HDAC9: variants seen among roughly 807,000 people sequenced by gnomAD.
The protein encoded by HDAC9 is histone deacetylase 9.
Under a neutral mutation model 139.4 loss-of-function variants are expected in HDAC9, and 41 were observed. That is an observed-to-expected ratio of 0.29 (90% CI 0.23 to 0.38). The LOEUF (loss-of-function observed/expected upper bound fraction) is 0.38. HDAC9 is among the 10% of genes least tolerant of loss of function. The probability of loss-of-function intolerance (pLI) is 1.00; values close to 1 mark genes in which losing one functional copy is unlikely to be tolerated. For missense variants in HDAC9, 1,147 were observed against 1,297.0 expected (o/e 0.88, Z 1.78); for synonymous variants, 517 against 476.2 (o/e 1.09, Z -1.12).
In HDAC9 at chr7:18,506,223, G is replaced by A. The variant is rs534091062; in HGVS notation, c.22+9899G>A. Among the ~76,000 whole-genome samples, 22 of 152,252 alleles carry A rather than the reference G, an allele frequency of 1.4e-4. No homozygotes were observed. The East Asian group carries it at 4.1e-3, about 28-fold the overall frequency. On this transcript the variant is annotated intron_variant, in intron 2 of 25. Coordinates refer to ENST00000686413, the MANE Select transcript of HDAC9 (RefSeq NM_178425.4). The stretch of plus-strand genomic sequence containing the variant: ...TGATTGCAGAATTCTTTTTATCTCT[G>A]CCACCTTGAGAGAAAAGGGAGAGCT...
chr7:18,561,869 C>T (rs1041855474), intron 2 of HDAC9, among the ~76,000 whole-genome samples: 2 of 152,178 alleles, frequency 1.3e-5, no homozygotes, highest in Admixed American at 6.5e-5. Flanking sequence ...TGGATTGTTT[C>T]GCCTTTTGGC....
chr7:18,448,244 A>G (rs1792478064), intron 1 of HDAC9, among the ~76,000 whole-genome samples: 1 of 152,238 alleles, frequency 6.6e-6, no homozygotes. Context: ...TGGGAAACAC[A>G]TTAAATTTAT....
chr7:18,192,939 A>T (rs1790458526), intron 2 of HDAC9, among the ~76,000 whole-genome samples: 1 of 152,202 alleles, frequency 6.6e-6, no homozygotes, highest in Non-Finnish European at 1.5e-5. Flanking sequence ...CATTTTACAG[A>T]TGAGGAAACT....
At chr7:18,308,610 G>C (rs1018772230) in intron 1 of HDAC9, among the ~76,000 whole-genome samples, 1 of 152,150 alleles carries the variant, frequency 6.6e-6, no homozygotes, top group Non-Finnish European at 1.5e-5. Flanking sequence ...AGGTGTGTCT[G>C]ACCTGGAAAG....
At chr7:18,581,725 C>T (rs1827886722) in intron 2 of HDAC9, among the ~76,000 whole-genome samples, 1 of 152,224 alleles carries the variant, frequency 6.6e-6, no homozygotes, top group South Asian at 2.1e-4. Flanking sequence ...TGGAATTATG[C>T]CAAGTCTTTT....
chr7:18,184,045 T>G (rs1346241117), intron 2 of HDAC9, among the ~76,000 whole-genome samples: 2 of 152,206 alleles, frequency 1.3e-5, no homozygotes, highest in African/African-American at 4.8e-5. Flanking sequence ...TCTGACATGC[T>G]TGGGACCAGA....
intron 8 of HDAC9, among the ~76,000 whole-genome samples, chr7:18,637,931 A>G (rs1404814379): frequency 6.6e-6 from 1 of 151,992 alleles, no homozygotes; most frequent in Non-Finnish European, 1.5e-5. Flanking sequence ...GAAAAAAAAA[A>G]TTTCTTAGCC....
chr7:18,136,379 A>G (rs946821334), intron 1 of HDAC9, among the ~76,000 whole-genome samples: 1 of 152,096 alleles, frequency 6.6e-6, no homozygotes, highest in African/African-American at 2.4e-5. Flanking sequence ...GTCCTTGCCC[A>G]TGCCTGTGTC....
Position 18,725,567 on chromosome 7 carries a change from A to C in HDAC9, c.1732-2013A>C, listed in dbSNP as rs77675355. Among the ~76,000 whole-genome samples the C allele has an allele frequency of 2.8e-3, 427 of 152,278 alleles. 1 individual carries two copies. Among genetic ancestry groups the C allele is most frequent in the African/African-American group, 9.6e-3 (399 of 41,566 alleles). On this transcript the variant is annotated intron_variant, in intron 12 of 25. Transcript: ENST00000686413. ...AGGAATAGGACTGGTTGGTATTAGA[A>C]GTTGGGTGATCAGTTAGGAGCTTTT...
chr7:18,795,388 G>A (rs1317892345), intron 17 of HDAC9, among the ~76,000 whole-genome samples: 2 of 151,600 alleles, frequency 1.3e-5, no homozygotes, highest in Non-Finnish European at 2.9e-5. Context: ...TCAATTTCTG[G>A]TTCTGCACAA....
intron 2 of HDAC9, among the ~76,000 whole-genome samples, chr7:18,515,417 G>A (rs1802856967): frequency 6.6e-6 from 1 of 152,174 alleles, no homozygotes; most frequent in Non-Finnish European, 1.5e-5. Context: ...GTGAAAGCCA[G>A]TTTGCAAAGA....
chr7:18,478,971 G>A (rs1015274590), intron 1 of HDAC9, among the ~76,000 whole-genome samples: 2 of 151,874 alleles, frequency 1.3e-5, no homozygotes, highest in African/African-American at 4.8e-5. Context: ...TTATTATTGG[G>A]TTGTCTTTTC....
chr7:18,233,760 A>G (rs1793632475), intron 2 of HDAC9, among the ~76,000 whole-genome samples: 2 of 152,160 alleles, frequency 1.3e-5, no homozygotes, highest in African/African-American at 4.8e-5. Context: ...TTCAATTTGC[A>G]TACCTGTCCT....
chr7:18,123,375 A>G (rs759949509), intron 1 of HDAC9, among the ~76,000 whole-genome samples: 1 of 152,226 alleles, frequency 6.6e-6, no homozygotes, highest in Non-Finnish European at 1.5e-5. Context: ...GGTGGCATTC[A>G]AAAGTTCATT....
chr7:18,277,456 T>C (rs1488999598), intron 2 of HDAC9, among the ~76,000 whole-genome samples: 1 of 152,194 alleles, frequency 6.6e-6, no homozygotes, highest in Non-Finnish European at 1.5e-5. Context: ...GAAAATTACT[T>C]GTACCTGGAG....
intron 2 of HDAC9, among the ~76,000 whole-genome samples, chr7:18,256,073 T>C (rs201926172): frequency 1.7e-5 from 1 of 57,916 alleles, no homozygotes; most frequent in Non-Finnish European, 5.6e-5. Flanking sequence ...TCTAGGACTT[T>C]TCTTCTCTCA....
upstream of HDAC9, among the ~76,000 whole-genome samples, chr7:18,490,970 T>A (rs1261987916): frequency 1.3e-5 from 2 of 151,970 alleles, no homozygotes; most frequent in African/African-American, 4.8e-5. Flanking sequence ...TTCATTTACA[T>A]TCCAGAATCA....
At chr7:18,352,003 C>G (rs548824518) in intron 1 of HDAC9, among the ~76,000 whole-genome samples, 1 of 152,084 alleles carries the variant, frequency 6.6e-6, no homozygotes, top group Non-Finnish European at 1.5e-5. Context: ...CTGTGGAGAA[C>G]AAAAGCTCAA....
intron 21 of HDAC9, among the ~76,000 whole-genome samples, chr7:18,869,396 G>A (rs1798742806): frequency 6.6e-6 from 1 of 151,858 alleles, no homozygotes; most frequent in Non-Finnish European, 1.5e-5. Context: ...TTTAAAAGTA[G>A]CACCTCCTTC....
Sources: gnomAD v4.1 joint callset for allele counts (sites outside exome capture counted in the v4.1 genomes callset) on GRCh38, gnomAD v4.1.1 for gene constraint, MANE v1.5 for transcripts, NCBI Gene and HGNC (gene_info 2026-07-23, HGNC 2026-07-21) for gene names.